SIAH3: variants seen among roughly 807,000 people sequenced by gnomAD.
The protein encoded by SIAH3 is siah E3 ubiquitin protein ligase family member 3.
Under a neutral mutation model 12.6 loss-of-function variants are expected in SIAH3, and 9 were observed. The observed-to-expected ratio is 0.72, with a 90% CI of 0.43 to 1.25. The LOEUF (loss-of-function observed/expected upper bound fraction) is 1.25. Ranked by LOEUF, SIAH3 falls within the 50% of genes most tolerant of loss-of-function variation. The probability of loss-of-function intolerance (pLI) is 0.00; values close to 1 mark genes in which losing one functional copy is unlikely to be tolerated. For missense variants in SIAH3, 390 were observed against 365.4 expected (o/e 1.07, Z -0.55); for synonymous variants, 154 against 151.1 (o/e 1.02, Z -0.14).
intron 1 of SIAH3, among the ~76,000 whole-genome samples, chr13:45,825,959 C>G (rs1161272401): frequency 6.6e-6 from 1 of 152,052 alleles, no homozygotes; most frequent in African/African-American, 2.4e-5. Context: ...CCTTCCTCCC[C>G]CTGGCCCTCA....
intron 1 of SIAH3, among the ~76,000 whole-genome samples, chr13:45,810,891 G>A (rs1950614361): frequency 6.6e-6 from 1 of 152,166 alleles, no homozygotes. Flanking sequence ...CAGAAAGCAG[G>A]AACAGAGTGA....
At chr13:45,826,432 A>AGTGGGTGG (rs1477683909) in intron 1 of SIAH3, among the ~76,000 whole-genome samples, 3 of 50,338 alleles carry the variant, frequency 6.0e-5, no homozygotes, top group South Asian at 1.2e-3. Flanking sequence ...TGGATGGATG[A>AGTGGGTGG]ATGGATGCAT....
intron 1 of SIAH3, among the ~76,000 whole-genome samples, chr13:45,811,790 C>G (rs1045444017): frequency 6.6e-6 from 1 of 152,196 alleles, no homozygotes; most frequent in African/African-American, 2.4e-5. Flanking sequence ...TATGCCTCAG[C>G]CAGGCTTCTT....
At chr13:45,784,116 C>G in intron 1 of SIAH3, 59 bp from the exon 2 acceptor site, 1 of 1,467,732 alleles carries the variant, frequency 6.8e-7, no homozygotes, top group Non-Finnish European at 9.2e-7. Context: ...CAGGCCGCCA[C>G]TCCCCTGATG....
intron 1 of SIAH3, among the ~76,000 whole-genome samples, chr13:45,833,198 CT>C (rs752881736): frequency 1.3e-5 from 2 of 152,202 alleles, no homozygotes; most frequent in Non-Finnish European, 2.9e-5. Context: ...TAAATATATG[CT>C]CATAGAAGGT....
intron 1 of SIAH3, among the ~76,000 whole-genome samples, chr13:45,835,609 A>G (rs188576861): frequency 6.6e-6 from 1 of 152,332 alleles, no homozygotes; most frequent in African/African-American, 2.4e-5. Context: ...CCTCAAGTCC[A>G]AAGTCACATG....
chr13:45,829,839 A>G (rs1047142555), intron 1 of SIAH3, among the ~76,000 whole-genome samples: 3 of 152,042 alleles, frequency 2.0e-5, no homozygotes, highest in East Asian at 1.9e-4. Context: ...GGCAGCAATT[A>G]TCTTGTTTTT....
At chr13:45,800,018 A>T (rs1251474543) in intron 1 of SIAH3, among the ~76,000 whole-genome samples, 1 of 152,180 alleles carries the variant, frequency 6.6e-6, no homozygotes, top group African/African-American at 2.4e-5. Flanking sequence ...GGTTGATGAC[A>T]TATTGTTTTT....
chr13:45,831,220 AAAT>A (rs1566095978), intron 1 of SIAH3, among the ~76,000 whole-genome samples: 12 of 143,816 alleles, frequency 8.3e-5, no homozygotes, highest in East Asian at 6.0e-4. Flanking sequence ...ATAAATAAAT[AAAT>A]AAAATAAAAA....
intron 1 of SIAH3, among the ~76,000 whole-genome samples, chr13:45,800,412 C>T (rs138759815): frequency 2.6e-5 from 4 of 152,230 alleles, no homozygotes; most frequent in African/African-American, 9.6e-5. Context: ...ATTTGTTCAT[C>T]GATTCAGCAA....
In SIAH3 at chr13:45,851,626, G is replaced by A. The variant is rs569949874; in HGVS notation, c.4C>T (p.Leu2Phe). 8.7e-6 allele frequency: 14 copies of A among 1,614,086 alleles called. No individual in the cohort carries two copies. Among genetic ancestry groups the A allele is most frequent in the Non-Finnish European group, 1.1e-5 (13 of 1,180,036 alleles). The part of the protein sequence containing the change: M[L>F]FFTQCFGAVL... Reference sequence around the variant, plus strand: ...GCCCCAAAGCACTGGGTAAAGAAAAGCATCACAACTTTTGGGGGGTTGTTG... The same window carrying A: ...GCCCCAAAGCACTGGGTAAAGAAAAACATCACAACTTTTGGGGGGTTGTTG... Residue 2 changes from leucine to phenylalanine, a missense_variant, in exon 1 of 2, where the codon CTT becomes TTT. Transcript: ENST00000400405.
chr13:45,811,545 C>T (rs1332814695), intron 1 of SIAH3, among the ~76,000 whole-genome samples: 5 of 152,162 alleles, frequency 3.3e-5, no homozygotes, highest in Non-Finnish European at 5.9e-5. Flanking sequence ...TCACTGCATC[C>T]TTGACCTCCT....
At chr13:45,813,184 G>A (rs1336991032) in intron 1 of SIAH3, among the ~76,000 whole-genome samples, 2 of 152,026 alleles carry the variant, frequency 1.3e-5, no homozygotes, top group Non-Finnish European at 2.9e-5. Flanking sequence ...TGGGAACATG[G>A]TGAGCCTGTG....
intron 1 of SIAH3, among the ~76,000 whole-genome samples, chr13:45,834,047 C>A (rs1480467020): frequency 6.6e-6 from 1 of 151,574 alleles, no homozygotes. Context: ...CCCTTCCATT[C>A]TGTACCATTC....
At chr13:45,813,070 G>A (rs1004892218) in intron 1 of SIAH3, among the ~76,000 whole-genome samples, 1 of 152,210 alleles carries the variant, frequency 6.6e-6, no homozygotes, top group Admixed American at 6.5e-5. Flanking sequence ...CTTAGAAGGC[G>A]ATTGCCTGGA....
rs1950508195 is a variant in SIAH3, at chr13:45,782,494, C to G, written c.*889G>C. On this transcript the variant is annotated 3_prime_UTR_variant, in exon 2 of 2. Transcript: ENST00000400405. ...GATTTTATAACTTGATAATAAAACT[C>G]TCTGAGGAGGGAGTGCCCTCTCAGA... The G allele has an allele frequency of 6.6e-6, 1 of 152,110 alleles. No homozygotes were observed. The highest frequency in any genetic ancestry group is 2.4e-5 in the African/African-American group (1 of 41,380). 9.4% of individuals were successfully genotyped at this position (152,110 alleles called of 1,614,324 possible).
intron 1 of SIAH3, among the ~76,000 whole-genome samples, chr13:45,803,651 A>G (rs1414130836): frequency 3.9e-5 from 6 of 152,236 alleles, no homozygotes; most frequent in Non-Finnish European, 8.8e-5. Context: ...CAAATAGTTC[A>G]GCAATCCTGG....
rs762037882 is a variant in SIAH3 at position 45,784,077 on chromosome 13, C to G, written c.136-20G>C. 1.3e-5 allele frequency: 20 copies of G among 1,555,820 alleles called. No homozygotes were observed. The highest frequency in any genetic ancestry group is 1.4e-5 in the Non-Finnish European group (16 of 1,151,492). The stretch of plus-strand genomic sequence containing the variant: ...CACATACTGTAAGGAAAGAGAAGAA[C>G]GTCAGTGCGGGGATGAGGCCCACTC... On this transcript the variant is annotated intron_variant, in intron 1 of 1. Transcript: ENST00000400405.
intron 1 of SIAH3, among the ~76,000 whole-genome samples, chr13:45,845,113 A>G (rs1183346682): frequency 6.6e-6 from 1 of 152,124 alleles, no homozygotes; most frequent in Non-Finnish European, 1.5e-5. Flanking sequence ...TATATATTTA[A>G]TCTTCGTATT....
Sources: allele counts gnomAD v4.1 joint callset (sites outside exome capture counted in the v4.1 genomes callset), GRCh38; gene constraint gnomAD v4.1.1; transcripts MANE v1.5; gene names NCBI Gene and HGNC (gene_info 2026-07-23, HGNC 2026-07-21).